CRYL1: variants seen among roughly 807,000 people sequenced by gnomAD.
CRYL1 encodes lambda-crystallin homolog.
In CRYL1, 29 loss-of-function variants were observed where a neutral mutation model predicts 36.6. The observed-to-expected ratio is 0.79, with a 90% confidence interval of 0.59 to 1.08. The LOEUF (loss-of-function observed/expected upper bound fraction) is 1.08, where lower values mean the gene tolerates loss of function less well. Among genes scored for constraint, CRYL1 ranks in the 50% least tolerant of loss-of-function variants. CRYL1 has a pLI of 0.00. For synonymous variants in CRYL1, 152 were observed against 151.5 expected, an observed-to-expected ratio of 1.00 and a Z score of -0.02; for missense variants, 411 against 407.9, an observed-to-expected ratio of 1.01 and a Z score of -0.06.
chr13:20,427,973 A>G (rs997793043), intron 5 of CRYL1, among the ~76,000 whole-genome samples: 4 of 152,190 alleles, frequency 2.6e-5, no homozygotes, highest in Non-Finnish European at 4.4e-5. Context: ...ATCAAGATGA[A>G]ACAGACAATC....
intron 2 of CRYL1, among the ~76,000 whole-genome samples, chr13:20,512,085 C>T (rs908344097): frequency 2.0e-5 from 3 of 152,218 alleles, no homozygotes; most frequent in African/African-American, 2.4e-5. Flanking sequence ...CTGTAATGCC[C>T]CTGCAGCTAT....
rs115702073 is a variant in CRYL1, at chr13:20,513,197, G to A, written c.42-647C>T. On this transcript the variant is annotated intron_variant, in intron 1 of 7. Coordinates refer to ENST00000298248, the MANE Select transcript of CRYL1 (RefSeq NM_015974.3). ...GTATTCATATTCCACATGGAGCCCT[G>A]CAGCATCTCAGGTATTTATCATGTA... is the stretch of plus-strand genomic sequence containing the variant. 8.3e-3 allele frequency among the ~76,000 whole-genome samples: 1,262 copies of A among 152,250 alleles called. 12 individuals carry two copies. Among genetic ancestry groups the A allele is most frequent in the African/African-American group, 0.029 (1,191 of 41,532 alleles).
intron 2 of CRYL1, among the ~76,000 whole-genome samples, chr13:20,505,378 A>AAAAAAAAAAAAAAAAAAAAAAAAAAC (rs2033777445): frequency 7.5e-6 from 1 of 132,608 alleles, no homozygotes; most frequent in Non-Finnish European, 1.6e-5. Flanking sequence ...AAAAAAAAAA[A>AAAAAAAAAAAAAAAAAAAAAAAAAAC]AAAATCAGAA....
chr13:20,494,442 A>G (rs2033569122), intron 2 of CRYL1, among the ~76,000 whole-genome samples: 1 of 152,134 alleles, frequency 6.6e-6, no homozygotes, highest in South Asian at 2.1e-4. Context: ...ACCTAAATGA[A>G]TCTCTTAGCG....
intron 6 of CRYL1, among the ~76,000 whole-genome samples, chr13:20,406,306 G>C (rs1233473473): frequency 6.6e-6 from 1 of 152,054 alleles, no homozygotes. Context: ...AGTTTTGATT[G>C]ACCTATGCTG....
At chr13:20,517,902 C>G (rs1160279913) in intron 1 of CRYL1, among the ~76,000 whole-genome samples, 3 of 147,570 alleles carry the variant, frequency 2.0e-5, no homozygotes, top group Admixed American at 6.8e-5. Context: ...CACCACTGCA[C>G]TCCAGCCTGG....
intron 2 of CRYL1, among the ~76,000 whole-genome samples, chr13:20,493,566 A>G (rs1337306529): frequency 6.6e-6 from 1 of 152,222 alleles, no homozygotes; most frequent in Non-Finnish European, 1.5e-5. Context: ...AGGCTAAGGC[A>G]GGACAATCAC....
chr13:20,432,190 C>T lies in CRYL1; in HGVS notation c.545G>A (p.Cys182Tyr). The change falls in exon 5 of 8, where the codon TGC (cysteine) becomes TAC (tyrosine). Residue 182 changes from cysteine to tyrosine, a missense_variant. Transcript: ENST00000298248. ...CACCTCCTTCTGGACTCGCATGGGG[C>T]ACTGTCCAATCTTCTTCATCAGGGC... ...THALMKKIGQ[C>Y]PMRVQKEVAG... 1.9e-6 allele frequency: 3 copies of T among 1,614,064 alleles called. No individual in the cohort carries two copies. The highest frequency in any genetic ancestry group is 1.7e-6 in the Non-Finnish European group (2 of 1,180,012).
chr13:20,427,324 G>A lies in CRYL1; in HGVS notation c.633+4778C>T, dbSNP rs73443908. ...AAGCCAACTGGAAGAGAAACAAAAC[G>A]GAGTGAACATCTGTGAGATGGCACA... On this transcript the variant is annotated intron_variant, in intron 5 of 7. Coordinates refer to ENST00000298248, the MANE Select transcript of CRYL1 (RefSeq NM_015974.3). The A allele has an allele frequency of 3.6e-3, 3,533 of 985,206 alleles. 105 individuals are homozygous for A. The African/African-American group carries it at 0.059, about 16-fold the overall frequency. The allele number at this position is 985,206 out of a possible 1,614,324, so 61.0% of individuals were successfully genotyped here. A position where few individuals can be genotyped will look rare whatever the true frequency, so the allele number is the denominator to read the frequency against.
At chr13:20,452,732 G>T (rs2032597043) in intron 3 of CRYL1, among the ~76,000 whole-genome samples, 1 of 152,160 alleles carries the variant, frequency 6.6e-6, no homozygotes, top group Non-Finnish European at 1.5e-5. Flanking sequence ...GTCAATGTAG[G>T]TTCATCAACT....
intron 3 of CRYL1, among the ~76,000 whole-genome samples, chr13:20,466,912 A>G (rs1029711601): frequency 2.0e-5 from 3 of 151,962 alleles, no homozygotes; most frequent in African/African-American, 7.3e-5. Flanking sequence ...AAACACACCA[A>G]TGAATGAAAA....
chr13:20,494,620 GT>G (rs2033573104), intron 2 of CRYL1, among the ~76,000 whole-genome samples: 1 of 152,166 alleles, frequency 6.6e-6, no homozygotes, highest in Non-Finnish European at 1.5e-5. Context: ...CCAGCTGTGC[GT>G]CTTCAAACCT....
Position 20,423,770 on chromosome 13 carries a change from CT to C in CRYL1, c.633+8331del, listed in dbSNP as rs1158080893. Reference sequence around the variant, plus strand: ...ATTCATGGGTGTGGGGGTGTGGGTTCTTTTTTTTTTTTTTTTTTGAGACAGA... The same window carrying C: ...ATTCATGGGTGTGGGGGTGTGGGTTCTTTTTTTTTTTTTTTTTGAGACAGA... On this transcript the variant is annotated intron_variant, in intron 5 of 7. Transcript: ENST00000298248. Among the ~76,000 whole-genome samples, 859 of 100,142 alleles carry C rather than the reference CT, an allele frequency of 8.6e-3. 1 individual carries two copies. The highest frequency in any genetic ancestry group is 0.025 in the African/African-American group (648 of 25,534). The allele number at this position is 100,142 out of a possible 152,430, so 65.7% of individuals were successfully genotyped here.
At chr13:20,479,625 GAC>G (rs1483372194) in intron 3 of CRYL1, among the ~76,000 whole-genome samples, 4 of 152,118 alleles carry the variant, frequency 2.6e-5, no homozygotes, top group African/African-American at 9.7e-5. Flanking sequence ...TATCTATAAA[GAC>G]ACACTATCAT....
chr13:20,420,701 T>TTTTTTTTTTGTGTGTGTGTG, intron 5 of CRYL1, among the ~76,000 whole-genome samples: 2 of 21,840 alleles, frequency 9.2e-5, no homozygotes, highest in African/African-American at 2.1e-4. Context: ...AAAATAGAGG[T>TTTTTTTTTTGTGTGTGTGTG]TGTGTGTGTG....
At chr13:20,419,937 C>T (rs988155389) in intron 5 of CRYL1, among the ~76,000 whole-genome samples, 2 of 152,216 alleles carry the variant, frequency 1.3e-5, no homozygotes, top group Non-Finnish European at 2.9e-5. Context: ...CGCCACCTTC[C>T]AGGGAGAAGG....
chr13:20,512,319 G>A lies in CRYL1; in HGVS notation c.149+124C>T, dbSNP rs976564546. 1.6e-5 allele frequency: 11 copies of A among 684,990 alleles called. No homozygotes were observed. The African/African-American group carries it at 1.8e-4, about 11-fold the overall frequency. The allele number at this position is 684,990 out of a possible 1,614,324, so 42.4% of individuals were successfully genotyped here. A position where few individuals can be genotyped will look rare whatever the true frequency, so the allele number is the denominator to read the frequency against. On this transcript the variant is annotated intron_variant, in intron 2 of 7. Transcript: ENST00000298248. ...TGGCCTTTACCAACTCAGAGGCACT[G>A]CAGTAGCCATCAGACGAAAATGTGA...
chr13:20,516,954 G>T (rs1565991470), intron 1 of CRYL1, among the ~76,000 whole-genome samples: 1 of 152,092 alleles, frequency 6.6e-6, no homozygotes, highest in East Asian at 1.9e-4. Context: ...CATGCCTGTG[G>T]TCCCAGCTAC....
rs2033298710 is a variant in CRYL1 at position 20,482,543 on chromosome 13, CAGG to C, written c.276+6824_276+6826del. On this transcript the variant is annotated intron_variant, in intron 3 of 7. Transcript: ENST00000298248. Reference sequence around the variant, plus strand: ...AAAATTGCACTAAGTTCTAGAAATTCAGGTTTCTTTCTTGCGTGCTCCCGGATT... The same window carrying C: ...AAAATTGCACTAAGTTCTAGAAATTCTTTCTTTCTTGCGTGCTCCCGGATT... 3.3e-5 allele frequency among the ~76,000 whole-genome samples: 5 copies of C among 152,310 alleles called. 1 individual carries two copies. The South Asian group carries it at 1.0e-3, about 32-fold the overall frequency.
Sources: gnomAD v4.1 joint callset for allele counts (sites outside exome capture counted in the v4.1 genomes callset) on GRCh38, gnomAD v4.1.1 for gene constraint, MANE v1.5 for transcripts, NCBI Gene and HGNC (gene_info 2026-07-23, HGNC 2026-07-21) for gene names.